Variants in GNG2 observed in about 807,000 individuals in gnomAD.
GNG2 encodes the protein guanine nucleotide-binding protein G(I)/G(S)/G(O) subunit gamma-2.
GNG2 carries 5 observed loss-of-function variants against 5.5 expected under a neutral mutation model. That is an observed-to-expected ratio of 0.91 (90% CI 0.48 to 1.92). The LOEUF is 1.92. Ranked by LOEUF, GNG2 falls within the 30% of genes most tolerant of loss-of-function variation. The pLI, the probability that GNG2 is intolerant of heterozygous loss-of-function variation, is 0.01. For synonymous variants in GNG2, 28 were observed against 32.0 expected, an observed-to-expected ratio of 0.88 and a Z score of 0.42; for missense variants, 55 against 88.4, an observed-to-expected ratio of 0.62 and a Z score of 1.52.
chr14:51,920,557 G>C (rs1214347881), intron 2 of GNG2, among the ~76,000 whole-genome samples: 1 of 152,008 alleles, frequency 6.6e-6, no homozygotes, highest in Non-Finnish European at 1.5e-5. Context: ...TTATGATACA[G>C]AAGTACTCTG....
chr14:51,877,021 C>G (rs1883720921), intron 1 of GNG2, among the ~76,000 whole-genome samples: 1 of 152,180 alleles, frequency 6.6e-6, no homozygotes, highest in African/African-American at 2.4e-5. Flanking sequence ...GTAGGCCACT[C>G]TGCCTGATAG....
chr14:51,960,473 T>A (rs1453454559), intron 3 of GNG2, among the ~76,000 whole-genome samples: 1 of 152,060 alleles, frequency 6.6e-6, no homozygotes, highest in African/African-American at 2.4e-5. Flanking sequence ...ATTGTATTTT[T>A]CATCTCATTG....
chr14:51,832,989 TAC>T (rs1320699876), intron 2 of GNG2, among the ~76,000 whole-genome samples: 6 of 152,188 alleles, frequency 3.9e-5, no homozygotes, highest in Non-Finnish European at 7.3e-5. Context: ...ACAAGGAAGG[TAC>T]ACAATCATCT....
chr14:51,928,492 A>T (rs1653852928), intron 2 of GNG2, among the ~76,000 whole-genome samples: 1 of 152,112 alleles, frequency 6.6e-6, no homozygotes, highest in Admixed American at 6.6e-5. Flanking sequence ...CTGCGCCACA[A>T]CTGTTGCCAG....
intron 2 of GNG2, among the ~76,000 whole-genome samples, chr14:51,894,265 C>T (rs1263494746): frequency 1.3e-5 from 2 of 151,932 alleles, no homozygotes; most frequent in East Asian, 1.9e-4. Flanking sequence ...GTGCATTTCT[C>T]GATATATAAA....
At chr14:51,860,913 A>C (rs1882431460) in intron 1 of GNG2, 123 bp downstream of exon 1, 1 of 152,254 alleles carries the variant, frequency 6.6e-6, no homozygotes, top group Non-Finnish European at 1.5e-5. Context: ...GGAAATGATT[A>C]GATTCTTTTG....
intron 2 of GNG2, among the ~76,000 whole-genome samples, chr14:51,938,442 C>T (rs899271308): frequency 1.3e-5 from 2 of 152,200 alleles, no homozygotes; most frequent in Non-Finnish European, 2.9e-5. Flanking sequence ...TTGTATAGCA[C>T]TCCATAATTA....
intron 1 of GNG2, among the ~76,000 whole-genome samples, chr14:51,870,425 T>A (rs1251832350): frequency 6.6e-6 from 1 of 152,240 alleles, no homozygotes. Context: ...TGGCATTTAA[T>A]TTAGACAACC....
intron 2 of GNG2, chr14:51,914,109 G>C (rs766141101): frequency 1.2e-5 from 8 of 645,972 alleles, no homozygotes; most frequent in Non-Finnish European, 2.2e-5. Flanking sequence ...TACTTTTGCA[G>C]AAGATATTGA....
At chr14:51,843,837 C>T (rs1434166457) in intron 2 of GNG2, among the ~76,000 whole-genome samples, 1 of 152,152 alleles carries the variant, frequency 6.6e-6, no homozygotes, top group African/African-American at 2.4e-5. Context: ...GCCTTTTGGT[C>T]CCACTATGCC....
chr14:51,918,693 C>A (rs1886808962), intron 2 of GNG2: 1 of 152,150 alleles, frequency 6.6e-6, no homozygotes, highest in African/African-American at 2.4e-5. Flanking sequence ...ATTACTTAGG[C>A]ACAAAATAAA....
chr14:51,841,549 G>A, intron 2 of GNG2: 1 of 702,106 alleles, frequency 1.4e-6, no homozygotes, highest in Non-Finnish European at 2.6e-6. Flanking sequence ...CTAATTAAGT[G>A]TTGGAGCCCG....
In GNG2 at chr14:51,887,548, T is replaced by G. The variant is rs757211520; in HGVS notation, c.-30+9891T>G. ...AATGATGGACAAAACAAATGTGGAA[T>G]GCTATCCTAAAGCATCAACCTCTTC... On this transcript the variant is annotated intron_variant, in intron 2 of 3. Transcript: ENST00000556766. Among the ~76,000 whole-genome samples the G allele has an allele frequency of 5.5e-4, 84 of 152,316 alleles. 1 individual carries two copies. The highest frequency in any genetic ancestry group is 3.4e-3 in the Middle Eastern group (1 of 294).
intron 2 of GNG2, among the ~76,000 whole-genome samples, chr14:51,916,939 A>G (rs1382130771): frequency 1.3e-5 from 2 of 152,162 alleles, no homozygotes; most frequent in Non-Finnish European, 2.9e-5. Context: ...GTCCCTGGCT[A>G]TGAGACTTAA....
At chr14:51,902,722 T>C (rs1028764040) in intron 2 of GNG2, among the ~76,000 whole-genome samples, 1 of 152,022 alleles carries the variant, frequency 6.6e-6, no homozygotes, top group African/African-American at 2.4e-5. Context: ...AGAGACACTG[T>C]CTGTACAAAA....
chr14:51,945,447 A>G (rs979691090), intron 2 of GNG2, among the ~76,000 whole-genome samples: 18 of 152,210 alleles, frequency 1.2e-4, no homozygotes, highest in Admixed American at 6.5e-5. Context: ...GATGAATACT[A>G]TATGATTCCA....
intron 3 of GNG2, among the ~76,000 whole-genome samples, chr14:51,962,724 T>C (rs922705564): frequency 6.6e-6 from 1 of 152,112 alleles, no homozygotes; most frequent in Non-Finnish European, 1.5e-5. Context: ...TTTCTGGAGT[T>C]ATTGGGGAAA....
At chr14:51,903,535 A>C (rs930907955) in intron 2 of GNG2, among the ~76,000 whole-genome samples, 3 of 152,240 alleles carry the variant, frequency 2.0e-5, no homozygotes, top group Non-Finnish European at 4.4e-5. Context: ...TGGGCAAGGC[A>C]GAAAGAAATC....
chr14:51,831,999 G>A (rs1276936288), intron 2 of GNG2, among the ~76,000 whole-genome samples: 1 of 152,154 alleles, frequency 6.6e-6, no homozygotes, highest in Non-Finnish European at 1.5e-5. Flanking sequence ...ATGATGGGGA[G>A]GCTGGGCTGG....
Sources: allele counts gnomAD v4.1 joint callset (sites outside exome capture counted in the v4.1 genomes callset), GRCh38; gene constraint gnomAD v4.1.1; transcripts MANE v1.5; gene names NCBI Gene and HGNC (gene_info 2026-07-23, HGNC 2026-07-21).